Variants in UPRT observed in about 807,000 individuals in gnomAD.
The protein encoded by UPRT is RP11-311P8.3.
UPRT carries 5 observed loss-of-function variants against 22.6 expected under a neutral mutation model. The ratio of observed to expected loss-of-function variants is 0.22; its 90% CI spans 0.12 to 0.47. The LOEUF (loss-of-function observed/expected upper bound fraction) is 0.47, where lower values mean the gene tolerates loss of function less well. Among genes scored for constraint, UPRT ranks in the 20% least tolerant of loss-of-function variants. The pLI is 0.99. For synonymous variants in UPRT, 77 were observed against 87.7 expected (o/e 0.88, Z 0.68); for missense variants, 181 against 239.9 (o/e 0.75, Z 1.62).
At chrX:75,250,042 C>T (rs999588460) in intron 4 of UPRT, among the ~76,000 whole-genome samples, 3 of 111,946 alleles carry the variant, frequency 2.7e-5, no homozygotes, top group Non-Finnish European at 5.6e-5. Flanking sequence ...ACCAGAATCT[C>T]TGGGACACAT....
chrX:75,220,210 C>A (rs1438744239), intron 4 of UPRT, among the ~76,000 whole-genome samples: 1 of 110,392 alleles, frequency 9.1e-6, no homozygotes, highest in Non-Finnish European at 1.9e-5. Context: ...TATTTTTTTT[C>A]TGATATAACT....
At chrX:75,232,441 G>C (rs751326881) in intron 4 of UPRT, among the ~76,000 whole-genome samples, 39 of 112,937 alleles carry the variant, frequency 3.5e-4, no homozygotes, top group African/African-American at 1.2e-3. Context: ...GCCCACCACA[G>C]CTCAAGGAGG....
intron 4 of UPRT, among the ~76,000 whole-genome samples, chrX:75,196,233 A>G (rs1393450067): frequency 8.9e-6 from 1 of 112,173 alleles, no homozygotes; most frequent in Non-Finnish European, 1.9e-5. Flanking sequence ...TGGTGCGATC[A>G]TAGCTCACTG....
intron 4 of UPRT, among the ~76,000 whole-genome samples, chrX:75,241,316 G>GA (rs909807432): frequency 7.2e-5 from 8 of 110,588 alleles, no homozygotes; most frequent in Non-Finnish European, 1.3e-4. Flanking sequence ...TAGCAAACAG[G>GA]AAAAAAAATG....
At chrX:75,178,230 C>T (rs1176539393) in intron 4 of UPRT, among the ~76,000 whole-genome samples, 2 of 112,117 alleles carry the variant, frequency 1.8e-5, no homozygotes, top group Non-Finnish European at 3.8e-5. Context: ...GTCTTTAGTC[C>T]GGCGGCTGCG....
chrX:75,302,004 A>T (rs1034454423), intron 6 of UPRT, among the ~76,000 whole-genome samples: 2 of 111,931 alleles, frequency 1.8e-5, no homozygotes, highest in Non-Finnish European at 3.8e-5. Context: ...CAAATGTTCT[A>T]CAATGAATTT....
chrX:75,205,383 C>CAAAAAAA (rs55819232), intron 4 of UPRT, among the ~76,000 whole-genome samples: 2 of 38,147 alleles, frequency 5.2e-5, no homozygotes, highest in Non-Finnish European at 8.1e-5. Flanking sequence ...GACTCCGTCT[C>CAAAAAAA]AAAAAAAAAA....
chrX:75,190,878 T>C (rs1047934504), intron 4 of UPRT, among the ~76,000 whole-genome samples: 5 of 110,974 alleles, frequency 4.5e-5, no homozygotes, highest in Non-Finnish European at 9.4e-5. Context: ...TATCCATTTG[T>C]CTATTTTTTT....
At chrX:75,205,530 T>C (rs1320535299) in intron 4 of UPRT, among the ~76,000 whole-genome samples, 6 of 111,383 alleles carry the variant, frequency 5.4e-5, no homozygotes, top group Non-Finnish European at 1.1e-4. Flanking sequence ...GAAGAATATT[T>C]TGGGGGTGAG....
At chrX:75,161,147 A>AGCACT (rs774291596) in intron 2 of UPRT, among the ~76,000 whole-genome samples, 2 of 112,198 alleles carry the variant, frequency 1.8e-5, no homozygotes, top group East Asian at 2.8e-4. Context: ...TTCTGTTTTA[A>AGCACT]GCACTGCACT....
intron 4 of UPRT, among the ~76,000 whole-genome samples, chrX:75,192,631 A>C (rs773533524): frequency 3.2e-4 from 36 of 111,934 alleles, no homozygotes; most frequent in African/African-American, 1.1e-3. Flanking sequence ...TTGCTTTATG[A>C]ATCTGGATAC....
At chrX:75,248,727 T>C (rs1487793665) in intron 4 of UPRT, among the ~76,000 whole-genome samples, 1 of 111,105 alleles carries the variant, frequency 9.0e-6, no homozygotes, top group East Asian at 2.8e-4. Context: ...AGAAATTCCT[T>C]GAGAAGAGCA....
intron 4 of UPRT, among the ~76,000 whole-genome samples, chrX:75,195,635 A>T (rs2082330711): frequency 8.9e-6 from 1 of 111,856 alleles, no homozygotes; most frequent in African/African-American, 3.3e-5. Flanking sequence ...GGCGAGAAAA[A>T]GTTGCTCCTT....
intron 4 of UPRT, among the ~76,000 whole-genome samples, chrX:75,220,047 C>G (rs2082405191): frequency 9.0e-6 from 1 of 110,864 alleles, no homozygotes; most frequent in African/African-American, 3.3e-5. Flanking sequence ...TGGGGTCTCT[C>G]TCTTTAGCTC....
intron 4 of UPRT, among the ~76,000 whole-genome samples, chrX:75,187,780 C>T (rs1426418471): frequency 1.8e-5 from 2 of 111,938 alleles, no homozygotes; most frequent in Non-Finnish European, 3.8e-5. Context: ...ATTTCATCTT[C>T]CATTGCTGAT....
At chrX:75,235,954 G>C (rs192882505) in intron 4 of UPRT, among the ~76,000 whole-genome samples, 6 of 111,037 alleles carry the variant, frequency 5.4e-5, no homozygotes, top group South Asian at 3.9e-4. Context: ...CCAGGGCAAT[G>C]AGGCAGGAGA....
intron 4 of UPRT, among the ~76,000 whole-genome samples, chrX:75,263,641 A>G (rs1445383169): frequency 2.8e-5 from 3 of 108,145 alleles, no homozygotes; most frequent in African/African-American, 1.0e-4. Context: ...GCAGTCTATC[A>G]ATTTTGTTGA....
intron 4 of UPRT, among the ~76,000 whole-genome samples, chrX:75,189,089 G>C (rs1256247699): frequency 1.8e-5 from 2 of 112,293 alleles, no homozygotes; most frequent in African/African-American, 6.5e-5. Flanking sequence ...GTCAATTTTA[G>C]ATCTTTCCTG....
At chrX:75,252,130 A>T (rs2082532659) in intron 4 of UPRT, among the ~76,000 whole-genome samples, 1 of 112,317 alleles carries the variant, frequency 8.9e-6, no homozygotes, top group Non-Finnish European at 1.9e-5. Context: ...CCTAGGCAGT[A>T]CCATTCAGGA....
Sources: allele counts gnomAD v4.1 joint callset (sites outside exome capture counted in the v4.1 genomes callset), GRCh38; gene constraint gnomAD v4.1.1; transcripts MANE v1.5; gene names NCBI Gene and HGNC (gene_info 2026-07-23, HGNC 2026-07-21).